Variants in ZYG11A observed in about 807,000 individuals in gnomAD.
The protein encoded by ZYG11A is protein zyg-11 homolog A.
ZYG11A carries 62 observed loss-of-function variants against 77.2 expected under a neutral mutation model. The ratio of observed to expected loss-of-function variants is 0.80; its 90% confidence interval spans 0.65 to 0.99. The LOEUF (loss-of-function observed/expected upper bound fraction) is 0.99. Among genes scored for constraint, ZYG11A ranks in the 50% least tolerant of loss-of-function variants. ZYG11A has a pLI of 0.00. For missense variants in ZYG11A, 828 were observed against 896.8 expected, an observed-to-expected ratio of 0.92 and a Z score of 0.98; for synonymous variants, 315 against 324.6, an observed-to-expected ratio of 0.97 and a Z score of 0.32.
chr1:52,881,692 A>C (rs1267685822), intron 11 of ZYG11A, 27 bp downstream of exon 11: 2 of 1,487,732 alleles, frequency 1.3e-6, no homozygotes, highest in Non-Finnish European at 1.8e-6. Flanking sequence ...CTTATTTATA[A>C]AATCCAGAGT....
chr1:52,889,176 C>T (rs1014877172), intron 13 of ZYG11A, among the ~76,000 whole-genome samples: 2 of 151,928 alleles, frequency 1.3e-5, no homozygotes, highest in Non-Finnish European at 2.9e-5. Context: ...CAGGGTCTCA[C>T]TTCATTGCCA....
At chr1:52,869,973 C>A (rs900887627) in intron 8 of ZYG11A, among the ~76,000 whole-genome samples, 4 of 149,540 alleles carry the variant, frequency 2.7e-5, no homozygotes, top group South Asian at 4.3e-4. Flanking sequence ...GACCCCCCCC[C>A]ACCCCCCTCC....
At chr1:52,884,275 T>C (rs1385329518) in intron 11 of ZYG11A, among the ~76,000 whole-genome samples, 1 of 151,740 alleles carries the variant, frequency 6.6e-6, no homozygotes, top group Non-Finnish European at 1.5e-5. Context: ...GGCGGGCAGA[T>C]CATGAGGTCT....
At chr1:52,860,934 C>G in intron 4 of ZYG11A, 63 bp downstream of exon 4, 1 of 1,417,294 alleles carries the variant, frequency 7.1e-7, no homozygotes, top group Non-Finnish European at 9.7e-7. Context: ...TAATTGTTCA[C>G]GAACCACACT....
At chr1:52,886,811 T>C (rs1646460806) in intron 12 of ZYG11A, 145 bp from the exon 13 acceptor site, 1 of 197,792 alleles carries the variant, frequency 5.1e-6, no homozygotes, top group Non-Finnish European at 9.7e-6. Context: ...CCTCCCAAAG[T>C]GCTGGGATTA....
chr1:52,889,177 T>C (rs963613702), intron 13 of ZYG11A, among the ~76,000 whole-genome samples: 2 of 152,098 alleles, frequency 1.3e-5, no homozygotes, highest in Non-Finnish European at 2.9e-5. Context: ...AGGGTCTCAC[T>C]TCATTGCCAA....
At chr1:52,858,422 C>T (rs1000031748) in intron 3 of ZYG11A, among the ~76,000 whole-genome samples, 3 of 151,288 alleles carry the variant, frequency 2.0e-5, no homozygotes, top group African/African-American at 4.8e-5. Context: ...TCTCCTGCCT[C>T]GGCTTCCCGA....
At chr1:52,892,667 C>G (rs1243286661) in intron 13 of ZYG11A, 115 bp from the exon 14 acceptor site, 6 of 915,570 alleles carry the variant, frequency 6.6e-6, no homozygotes, top group African/African-American at 3.4e-5. Context: ...CTGTTAATTC[C>G]TAGGCCAAAG....
At chr1:52,846,940 C>T (rs1459622874) in intron 1 of ZYG11A, among the ~76,000 whole-genome samples, 5 of 151,376 alleles carry the variant, frequency 3.3e-5, no homozygotes, top group South Asian at 4.2e-4. Flanking sequence ...CTCCGCCTCC[C>T]GGGTTCACGC....
intron 8 of ZYG11A, among the ~76,000 whole-genome samples, chr1:52,869,534 CAT>C (rs1161584297): frequency 2.6e-5 from 4 of 151,762 alleles, no homozygotes; most frequent in Non-Finnish European, 5.9e-5. Flanking sequence ...GGACACAGCA[CAT>C]GTTTCAGAGA....
At chr1:52,867,005 T>C (rs950736877) in intron 6 of ZYG11A, among the ~76,000 whole-genome samples, 20 of 152,236 alleles carry the variant, frequency 1.3e-4, no homozygotes, top group African/African-American at 4.3e-4. Flanking sequence ...AAAATCATCA[T>C]CATCCTAGCC....
intron 13 of ZYG11A, among the ~76,000 whole-genome samples, 175 bp from the exon 14 acceptor site, chr1:52,892,607 T>C (rs1274650691): frequency 6.6e-6 from 1 of 152,126 alleles, no homozygotes; most frequent in Non-Finnish European, 1.5e-5. Flanking sequence ...TGTTACCTCA[T>C]ACAAGCCAAG....
At chr1:52,862,099 C>T (rs564050360) in intron 4 of ZYG11A, among the ~76,000 whole-genome samples, 1 of 151,728 alleles carries the variant, frequency 6.6e-6, no homozygotes, top group Admixed American at 6.6e-5. Context: ...ATCCCAGCTA[C>T]TCAGGAGGCT....
At position 52,857,795 on chromosome 1, in the gene ZYG11A, T is replaced by C. The variant is rs148835642; in HGVS notation, c.1008+46T>C. 1.8e-5 allele frequency: 26 copies of C among 1,471,498 alleles called. 1 individual carries two copies. In the African/African-American group the frequency reaches 2.4e-4, roughly 14 times the overall value. The allele number at this position is 1,471,498 out of a possible 1,614,324, so 91.2% of individuals were successfully genotyped here. A position where few individuals can be genotyped will look rare whatever the true frequency, so the allele number is the denominator to read the frequency against. ...GTTTTGTTTCATTTGTTTAGAACATTATTAAACTCGTGCTATAGACCAGAC... is the reference window on the plus strand; with the variant it reads ...GTTTTGTTTCATTTGTTTAGAACATCATTAAACTCGTGCTATAGACCAGAC... On this transcript the variant is annotated intron_variant, in intron 3 of 13. Transcript: ENST00000371528.
chr1:52,865,324 A>G (rs1438701263), intron 5 of ZYG11A, among the ~76,000 whole-genome samples: 1 of 152,164 alleles, frequency 6.6e-6, no homozygotes, highest in Non-Finnish European at 1.5e-5. Flanking sequence ...ATGAGAATCA[A>G]CTTCATTCAG....
chr1:52,855,665 A>T (rs560486432), intron 2 of ZYG11A, among the ~76,000 whole-genome samples: 67 of 152,198 alleles, frequency 4.4e-4, no homozygotes, highest in Non-Finnish European at 8.2e-4. Flanking sequence ...AAATCATCCA[A>T]TATGTGGCCT....
At chr1:52,870,219 G>C (rs1306691904) in intron 8 of ZYG11A, among the ~76,000 whole-genome samples, 2 of 136,714 alleles carry the variant, frequency 1.5e-5, no homozygotes, top group African/African-American at 5.0e-5. Context: ...TCACTTCCTA[G>C]ATGGGATGGC....
intron 8 of ZYG11A, among the ~76,000 whole-genome samples, chr1:52,870,874 T>TGGGGAG (rs1164726824): frequency 7.8e-6 from 1 of 128,340 alleles, no homozygotes; most frequent in Non-Finnish European, 1.6e-5. Context: ...AGGGAGACCG[T>TGGGGAG]GGGGAGGGGG....
At chr1:52,890,343 C>T (rs1242253) in intron 13 of ZYG11A, among the ~76,000 whole-genome samples, 10 of 142,408 alleles carry the variant, frequency 7.0e-5, no homozygotes, top group Non-Finnish European at 1.2e-4. Context: ...CAAGGGGTTC[C>T]CCTGCCTCAG....
Sources: allele counts gnomAD v4.1 joint callset (sites outside exome capture counted in the v4.1 genomes callset), GRCh38; gene constraint gnomAD v4.1.1; transcripts MANE v1.5; gene names NCBI Gene and HGNC (gene_info 2026-07-23, HGNC 2026-07-21).